Variants in MAGI2 observed in about 807,000 individuals in gnomAD.
MAGI2 encodes membrane-associated guanylate kinase, WW and PDZ domain-containing protein 2.
In MAGI2, 35 loss-of-function variants were observed where a neutral mutation model predicts 133.3. The ratio of observed to expected loss-of-function variants is 0.26; its 90% CI spans 0.20 to 0.35. The LOEUF (loss-of-function observed/expected upper bound fraction) is 0.35, where lower values mean the gene tolerates loss of function less well. MAGI2 is among the 10% of genes least tolerant of loss of function. The pLI is 1.00. For missense variants in MAGI2, 1,636 were observed against 1,863.4 expected, an observed-to-expected ratio of 0.88 and a Z score of 2.25; for synonymous variants, 729 against 710.6, an observed-to-expected ratio of 1.03 and a Z score of -0.41.
intron 2 of MAGI2, among the ~76,000 whole-genome samples, chr7:78,948,524 TTAAG>T (rs1801614110): frequency 6.6e-6 from 1 of 152,086 alleles, no homozygotes; most frequent in Admixed American, 6.6e-5. Flanking sequence ...GGCTTTGACT[TTAAG>T]TAGCCACATC....
At position 79,225,219 on chromosome 7, in the gene MAGI2, G is replaced by A. The variant is rs541798692; in HGVS notation, c.302-218013C>T. On this transcript the variant is annotated intron_variant, in intron 1 of 21. Transcript: ENST00000354212. ...TTATGATACATAAAATATAGAACCC[G>A]TGCCTGACACTGCACCACAAACTCC... 3.3e-5 allele frequency among the ~76,000 whole-genome samples: 5 copies of A among 152,140 alleles called. No homozygotes were observed. The East Asian group carries it at 7.7e-4, about 24-fold the overall frequency.
intron 2 of MAGI2, among the ~76,000 whole-genome samples, chr7:78,756,000 A>T (rs1393062265): frequency 5.9e-5 from 9 of 152,184 alleles, no homozygotes; most frequent in Admixed American, 5.9e-4. Flanking sequence ...CATAATTTTA[A>T]GAGTGTCAGA....
intron 6 of MAGI2, among the ~76,000 whole-genome samples, chr7:78,448,282 G>A (rs1400305924): frequency 1.3e-5 from 2 of 151,998 alleles, no homozygotes; most frequent in East Asian, 3.9e-4. Context: ...TTTCCTTTGA[G>A]TATATACCCA....
intron 1 of MAGI2, among the ~76,000 whole-genome samples, chr7:79,078,972 A>G (rs10485931): frequency 0.055 from 8,443 of 152,166 alleles, 599 homozygotes; most frequent in African/African-American, 0.16. Flanking sequence ...TCTTTACTCA[A>G]TCTTTCATAG....
rs942182123 is a variant in MAGI2 at position 78,818,921 on chromosome 7, A to T, written c.418+188169T>A. On this transcript the variant is annotated intron_variant, in intron 2 of 21. Transcript: ENST00000354212. ...AATTCTCAGAACACTACAAAACTTA[A>T]CTTAGTGTCAAATGGTTCAGAATAC... is the stretch of plus-strand genomic sequence containing the variant. Among the ~76,000 whole-genome samples, 11 of 152,176 alleles carry T rather than the reference A, an allele frequency of 7.2e-5. 1 individual carries two copies. Among genetic ancestry groups the T allele is most frequent in the Non-Finnish European group, 4.4e-5 (3 of 67,994 alleles).
At chr7:78,041,847 A>G (rs1159847017) in intron 21 of MAGI2, among the ~76,000 whole-genome samples, 2 of 152,130 alleles carry the variant, frequency 1.3e-5, no homozygotes. Flanking sequence ...CTGCTGGAAA[A>G]GACTGACAGA....
chr7:78,408,742 C>T (rs975713029), intron 6 of MAGI2, among the ~76,000 whole-genome samples: 8 of 151,832 alleles, frequency 5.3e-5, no homozygotes, highest in East Asian at 3.9e-4. Context: ...AAATACGTAA[C>T]GCAAAAATTT....
chr7:78,292,415 T>C (rs946232339), intron 9 of MAGI2, among the ~76,000 whole-genome samples: 1 of 152,062 alleles, frequency 6.6e-6, no homozygotes, highest in African/African-American at 2.4e-5. Context: ...TACAAACCAC[T>C]GCTCAATGAA....
At chr7:78,839,548 G>A (rs534360180) in intron 2 of MAGI2, among the ~76,000 whole-genome samples, 9 of 152,124 alleles carry the variant, frequency 5.9e-5, no homozygotes, top group Non-Finnish European at 1.3e-4. Flanking sequence ...CATGGCTGGG[G>A]AGGCCTCAGG....
intron 9 of MAGI2, among the ~76,000 whole-genome samples, chr7:78,304,123 A>G (rs1393053681): frequency 6.6e-6 from 1 of 152,144 alleles, no homozygotes; most frequent in Non-Finnish European, 1.5e-5. Context: ...TTCAAAAACT[A>G]TCCTGACTCT....
chr7:78,313,011 A>C (rs142263685), intron 9 of MAGI2, among the ~76,000 whole-genome samples: 4 of 151,912 alleles, frequency 2.6e-5, no homozygotes, highest in Non-Finnish European at 4.4e-5. Flanking sequence ...TCAGCCATAA[A>C]AATGAATGAA....
At chr7:78,619,359 T>C (rs2150934339) in intron 3 of MAGI2, among the ~76,000 whole-genome samples, 1 of 151,994 alleles carries the variant, frequency 6.6e-6, no homozygotes, top group Admixed American at 6.6e-5. Flanking sequence ...AAGTGAATCC[T>C]ATGCCCATGC....
intron 6 of MAGI2, among the ~76,000 whole-genome samples, chr7:78,398,442 T>C (rs1184854679): frequency 6.6e-6 from 1 of 152,170 alleles, no homozygotes; most frequent in African/African-American, 2.4e-5. Flanking sequence ...ACTTCTGTAA[T>C]ATCTTGGTGA....
At chr7:78,831,688 T>C (rs1173023558) in intron 2 of MAGI2, among the ~76,000 whole-genome samples, 1 of 152,244 alleles carries the variant, frequency 6.6e-6, no homozygotes, top group Non-Finnish European at 1.5e-5. Flanking sequence ...CCAGCCTCCA[T>C]TGTTTCAATT....
intron 2 of MAGI2, among the ~76,000 whole-genome samples, chr7:78,780,636 T>C (rs909721748): frequency 1.3e-5 from 2 of 152,330 alleles, no homozygotes; most frequent in Admixed American, 6.5e-5. Flanking sequence ...ATGGTTCTTA[T>C]GTAACTTTTG....
rs993842361 is a variant in MAGI2 at position 78,341,763 on chromosome 7, A to G, written c.1408+2015T>C. Among the ~76,000 whole-genome samples, 9 of 152,320 alleles carry G rather than the reference A, an allele frequency of 5.9e-5. No individual in the cohort carries two copies. The Middle Eastern group carries it at 0.01, about 173-fold the overall frequency. The stretch of plus-strand genomic sequence containing the variant: ...GGGAAAACTGGCTAGCCATACGCAG[A>G]AAACTGAAACTGGACCCCTTCCTTA... On this transcript the variant is annotated intron_variant, in intron 9 of 21. Coordinates refer to ENST00000354212, the MANE Select transcript of MAGI2 (RefSeq NM_012301.4).
At chr7:78,284,630 T>G (rs2151022051) in intron 9 of MAGI2, among the ~76,000 whole-genome samples, 1 of 152,096 alleles carries the variant, frequency 6.6e-6, no homozygotes, top group East Asian at 1.9e-4. Flanking sequence ...AGGAATAATA[T>G]AGTTCACTGA....
chr7:78,926,462 G>C (rs1430273804), intron 2 of MAGI2, among the ~76,000 whole-genome samples: 1 of 151,972 alleles, frequency 6.6e-6, no homozygotes, highest in Non-Finnish European at 1.5e-5. Context: ...TGAACAGACA[G>C]AATTGCCTGT....
intron 1 of MAGI2, among the ~76,000 whole-genome samples, chr7:79,284,894 T>A (rs1835894622): frequency 6.6e-6 from 1 of 152,066 alleles, no homozygotes; most frequent in African/African-American, 2.4e-5. Flanking sequence ...CTTCGGTCCT[T>A]AATCCTCCTA....
Sources: gnomAD v4.1 joint callset for allele counts (sites outside exome capture counted in the v4.1 genomes callset) on GRCh38, gnomAD v4.1.1 for gene constraint, MANE v1.5 for transcripts, NCBI Gene and HGNC (gene_info 2026-07-23, HGNC 2026-07-21) for gene names.